Variants in CASP8 observed in about 807,000 individuals in gnomAD.
CASP8 encodes caspase-8.
CASP8 carries 24 observed loss-of-function variants against 46.3 expected under a neutral mutation model. The ratio of observed to expected loss-of-function variants is 0.52; its 90% CI spans 0.38 to 0.73. The LOEUF (loss-of-function observed/expected upper bound fraction) is 0.73, where lower values mean the gene tolerates loss of function less well. CASP8 is among the 30% of genes least tolerant of loss of function. The pLI is 0.00. For missense variants in CASP8, 460 were observed against 559.0 expected (o/e 0.82, Z 1.79); for synonymous variants, 188 against 200.4 (o/e 0.94, Z 0.52).
Position 201,266,420 on chromosome 2 carries a change from C to A in CASP8, c.-26-41C>A. The stretch of plus-strand genomic sequence containing the variant: ...TTGATGAACAAGCCAGCAAATGGTA[C>A]TTTTCTTCCTTATCTGAACATACCA... On this transcript the variant is annotated intron_variant, in intron 1 of 8. Transcript: ENST00000673742. This position sits in a 1 kb window ranked among gnomAD's most constrained non-coding sequence, Gnocchi z 5.7. 1 of 1,506,070 alleles carries A rather than the reference C, an allele frequency of 6.6e-7. No homozygotes were observed. Among genetic ancestry groups the A allele is most frequent in the Non-Finnish European group, 9.2e-7 (1 of 1,082,362 alleles). The allele number at this position is 1,506,070 out of a possible 1,614,324, so 93.3% of individuals were successfully genotyped here. A position where few individuals can be genotyped will look rare whatever the true frequency, so the allele number is the denominator to read the frequency against.
upstream of CASP8, chr2:201,258,444 C>T: frequency 1.3e-6 from 2 of 1,593,662 alleles, no homozygotes; most frequent in Non-Finnish European, 1.7e-6. Context: ...TGTTTCTTGA[C>T]TTGCTCTAGA....
At chr2:201,237,461 AAAAAG>A (rs1455690603) in intron 2 of CASP8, among the ~76,000 whole-genome samples, 1 of 151,462 alleles carries the variant, frequency 6.6e-6, no homozygotes, top group Admixed American at 6.6e-5. Flanking sequence ...AAAAAAAGGA[AAAAAG>A]AAAAGAAAAA....
At position 201,274,887 on chromosome 2, in the gene CASP8, A is replaced by G. The variant is rs1267352800; in HGVS notation, c.596-2A>G. 1.2e-6 allele frequency: 2 copies of G among 1,610,974 alleles called. No homozygotes were observed. The highest frequency in any genetic ancestry group is 1.7e-6 in the Non-Finnish European group (2 of 1,177,318). ...CTAGATGTGTCTCTTCGTTGTTTGCAGGGGAGGAGTTGTGTGGGGTAATGA... is the reference window on the plus strand; with the variant it reads ...CTAGATGTGTCTCTTCGTTGTTTGCGGGGGAGGAGTTGTGTGGGGTAATGA... On this transcript the variant is annotated splice_acceptor_variant, in intron 5 of 8. Coordinates refer to ENST00000673742, the MANE Select transcript of CASP8 (RefSeq NM_001372051.1). LOFTEE classifies it high-confidence loss of function.
In CASP8 at chr2:201,285,317, G is replaced by A. The variant is rs746401108; in HGVS notation, c.1304G>A (p.Arg435Gln). The A allele has an allele frequency of 8.7e-6, 14 of 1,612,854 alleles. No individual in the cohort carries two copies. The highest frequency in any genetic ancestry group is 2.2e-5 in the East Asian group (1 of 44,898). ...LCQSLRERCP[R>Q]GDDILTILTE... is the part of the protein sequence containing the mutation. ...CAGAGCCTGAGAGAGCGATGTCCTC[G>A]GTAAGTTTTGCCTACTCAGCCCTCC... Residue 435 changes from arginine (R) to glutamine (Q), a missense_variant and splice_region_variant, in exon 8 of 9, where the codon CGA (arginine) becomes CAA (glutamine). Coordinates refer to ENST00000673742, the MANE Select transcript of CASP8 (RefSeq NM_001372051.1).
chr2:201,262,918 G>GCTGAC (rs1947526672), intron 1 of CASP8, among the ~76,000 whole-genome samples: 1 of 152,170 alleles, frequency 6.6e-6, no homozygotes, highest in East Asian at 1.9e-4. Context: ...AACAGAAAAG[G>GCTGAC]CTGACTATCA....
chr2:201,245,523 G>C (rs1026763949), intron 2 of CASP8, among the ~76,000 whole-genome samples: 1 of 152,216 alleles, frequency 6.6e-6, no homozygotes, highest in Non-Finnish European at 1.5e-5. Flanking sequence ...TTACAGGCGT[G>C]AGCCACTGTC....
chr2:201,263,405 G>A (rs1052415919), intron 1 of CASP8, among the ~76,000 whole-genome samples: 1 of 152,092 alleles, frequency 6.6e-6, no homozygotes, highest in African/African-American at 2.4e-5. Flanking sequence ...CTAAAGACAG[G>A]AAAGTACTTA....
At chr2:201,247,459 T>C (rs1946580385) in intron 2 of CASP8, among the ~76,000 whole-genome samples, 1 of 149,704 alleles carries the variant, frequency 6.7e-6, no homozygotes, top group Admixed American at 6.7e-5. Context: ...GCAGGATTTC[T>C]CAGAATCCTC....
intron 5 of CASP8, among the ~76,000 whole-genome samples, chr2:201,273,748 C>T (rs1441154768): frequency 6.6e-6 from 1 of 151,750 alleles, no homozygotes; most frequent in Non-Finnish European, 1.5e-5. Flanking sequence ...AATCTTGGCT[C>T]ACAACAGCCT....
intron 5 of CASP8, 80 bp downstream of exon 5, chr2:201,273,022 C>A (rs1948378797): frequency 2.6e-6 from 3 of 1,167,832 alleles, no homozygotes; most frequent in Non-Finnish European, 3.9e-6. Flanking sequence ...CAGCCTTCTA[C>A]CACATGCACA....
At chr2:201,282,686 C>T (rs1477781351) in intron 7 of CASP8, among the ~76,000 whole-genome samples, 1 of 77,800 alleles carries the variant, frequency 1.3e-5, no homozygotes, top group Non-Finnish European at 3.1e-5. Flanking sequence ...GCTGGCCGGG[C>T]GGGGGGCTGT....
chr2:201,269,634 A>G (rs545101388), intron 2 of CASP8: 22 of 1,523,768 alleles, frequency 1.4e-5, no homozygotes, highest in East Asian at 2.3e-5. Flanking sequence ...TCTTTAATGT[A>G]TTGGCTTAGA....
upstream of CASP8, among the ~76,000 whole-genome samples, chr2:201,259,304 C>G (rs1391325582): frequency 1.3e-5 from 2 of 152,138 alleles, no homozygotes; most frequent in African/African-American, 4.8e-5. Context: ...TTCAGATTAG[C>G]TGGGACCACA....
chr2:201,249,644 G>A (rs1392083084), intron 2 of CASP8, among the ~76,000 whole-genome samples: 1 of 152,220 alleles, frequency 6.6e-6, no homozygotes, highest in Non-Finnish European at 1.5e-5. Flanking sequence ...AGGATCGCTT[G>A]AGCGCGGGAG....
chr2:201,270,602 T>C (rs1424326115), intron 2 of CASP8, among the ~76,000 whole-genome samples: 2 of 152,192 alleles, frequency 1.3e-5, no homozygotes, highest in Non-Finnish European at 2.9e-5. Flanking sequence ...TGATCACAGC[T>C]CACTGCAGCC....
intron 1 of CASP8, among the ~76,000 whole-genome samples, chr2:201,262,789 A>G (rs1006014339): frequency 5.9e-5 from 9 of 152,180 alleles, no homozygotes; most frequent in Non-Finnish European, 1.2e-4. Context: ...CTGCCACACG[A>G]TGTCTCTCCC....
Position 201,266,864 on chromosome 2 carries a change from T to G in CASP8, c.305+73T>G, listed in dbSNP as rs2293554. 0.12 allele frequency: 142,647 copies of G among 1,141,694 alleles called. 16,344 individuals are homozygous for G. Among genetic ancestry groups the G allele is most frequent in the South Asian group, 0.42 (28,530 of 67,432 alleles). 70.7% of individuals were successfully genotyped at this position (1,141,694 alleles called of 1,614,324 possible). ...ACAGCCTCTGAGCTGATTGGGGCTT[T>G]TTTTTGTGGTACCCTGCCTAGTGCC... On this transcript the variant is annotated intron_variant, in intron 2 of 8. Transcript: ENST00000673742. This position sits in a 1 kb window ranked among gnomAD's most constrained non-coding sequence, Gnocchi z 5.7.
rs370925805 is a variant in CASP8 at position 201,274,261 on chromosome 2, A to G, written c.596-628A>G. On this transcript the variant is annotated intron_variant, in intron 5 of 8. Coordinates refer to ENST00000673742, the MANE Select transcript of CASP8 (RefSeq NM_001372051.1). Reference sequence around the variant, plus strand: ...CTAAATCATTAATTCATCCTGAGCTAGTGGCTTTATTAATGAGTATCTCAC... The same window carrying G: ...CTAAATCATTAATTCATCCTGAGCTGGTGGCTTTATTAATGAGTATCTCAC... 2.0e-3 allele frequency among the ~76,000 whole-genome samples: 297 copies of G among 152,294 alleles called. 1 individual carries two copies. Among genetic ancestry groups the G allele is most frequent in the Non-Finnish European group, 3.3e-3 (224 of 68,032 alleles).
At chr2:201,241,426 A>C (rs932374995) in intron 2 of CASP8, 1 of 152,238 alleles carries the variant, frequency 6.6e-6, no homozygotes, top group East Asian at 1.9e-4. Context: ...GAACAATTCT[A>C]TTCCAACAAA....
Sources: gnomAD v4.1 joint callset for allele counts (sites outside exome capture counted in the v4.1 genomes callset) on GRCh38, gnomAD v4.1.1 for gene constraint, Gnocchi (gnomAD v3.1) non-coding constraint, MANE v1.5 for transcripts, NCBI Gene and HGNC (gene_info 2026-07-23, HGNC 2026-07-21) for gene names.